FAM169A: variants seen among roughly 807,000 people sequenced by gnomAD.
The protein encoded by FAM169A is family with sequence similarity 169 member A.
A neutral mutation model predicts 75.7 loss-of-function variants in FAM169A; 24 were observed. That is an observed-to-expected ratio of 0.32 (90% CI 0.23 to 0.45). The LOEUF (loss-of-function observed/expected upper bound fraction) is 0.45, where lower values mean the gene tolerates loss of function less well. FAM169A is among the 20% of genes least tolerant of loss of function. FAM169A has a pLI of 1.00. For missense variants in FAM169A, 673 were observed against 784.0 expected, an observed-to-expected ratio of 0.86 and a Z score of 1.69; for synonymous variants, 271 against 271.0, an observed-to-expected ratio of 1.00 and a Z score of 0.00.
chr5:74,805,263 T>G lies in FAM169A; in HGVS notation c.692A>C (p.Lys231Thr), dbSNP rs1373804688. The stretch of plus-strand genomic sequence containing the variant: ...AAGGAGTTCATGGTCTCCTGGATAC[T>G]TCTCAAAGTATTGCTTGCAAGCTGA... ...MYTACKQYFE[K>T]YPGDHELLWE... The change falls in exon 7 of 13, where the codon AAG becomes ACG. Residue 231 changes from lysine (K) to threonine (T), a missense_variant. Physicochemically the swap from Lys to Thr is moderately conservative, Grantham distance 78. This residue lies in a region of FAM169A where 510 missense variants were observed against 550.9 expected (regional missense o/e 0.93). Coordinates refer to ENST00000687041, the MANE Select transcript of FAM169A (RefSeq NM_001376049.1). 5 of 1,612,250 alleles carry G rather than the reference T, an allele frequency of 3.1e-6. No homozygotes were observed. The highest frequency in any genetic ancestry group is 3.4e-6 in the Non-Finnish European group (4 of 1,179,198).
At chr5:74,850,893 C>T (rs1332013647) in intron 1 of FAM169A, among the ~76,000 whole-genome samples, 1 of 151,930 alleles carries the variant, frequency 6.6e-6, no homozygotes, top group Non-Finnish European at 1.5e-5. Flanking sequence ...TGAAAAAATG[C>T]CTACTTGCAT....
intron 6 of FAM169A, among the ~76,000 whole-genome samples, chr5:74,807,908 G>C (rs887810816): frequency 1.3e-5 from 2 of 152,192 alleles, no homozygotes; most frequent in Non-Finnish European, 2.9e-5. Flanking sequence ...CATGAGATTA[G>C]GAGTTCAAGA....
At chr5:74,792,524 TCCTTGCTC>T (rs140520337) in intron 11 of FAM169A, among the ~76,000 whole-genome samples, 50,156 of 151,582 alleles carry the variant, frequency 0.33, 10,484 homozygotes, top group African/African-American at 0.59. Context: ...CTTCCTTGCT[TCCTTGCTC>T]CCTTGCTCCC....
At chr5:74,853,730 CAG>C (rs1186846335) in intron 1 of FAM169A, among the ~76,000 whole-genome samples, 7 of 102,810 alleles carry the variant, frequency 6.8e-5, no homozygotes, top group Admixed American at 1.4e-4. Flanking sequence ...TTTTTTGAGA[CAG>C]AGTCTTGCTC....
Position 74,781,606 on chromosome 5 carries a change from C to G in FAM169A, c.1867G>C (p.Asp623His), listed in dbSNP as rs1158509183. ...TTTTCTGCCGATTGTGTAAACTGAT[C>G]CAGTTGCTCGGAAGATGCTTCAGAC... ...EQSEASSEQL[D>H]QFTQSAEKAV... The change falls in exon 13 of 13, where the codon GAT becomes CAT. Residue 623 changes from aspartate (D) to histidine (H), a missense_variant. Physicochemically the swap from Asp to His is moderately conservative, Grantham distance 81. Around this residue, in one of 3 missense-constraint regions of FAM169A, gnomAD observed 510 missense variants for 550.9 expected, o/e 0.93. Transcript: ENST00000687041. The G allele has an allele frequency of 6.2e-7, 1 of 1,614,172 alleles. No homozygotes were observed. Among genetic ancestry groups the G allele is most frequent in the Non-Finnish European group, 8.5e-7 (1 of 1,180,020 alleles).
chr5:74,783,099 C>G lies in FAM169A; in HGVS notation c.1296G>C (p.Met432Ile). 6.2e-7 allele frequency: 1 copy of G among 1,613,558 alleles called. No homozygotes were observed. The highest frequency in any genetic ancestry group is 8.5e-7 in the Non-Finnish European group (1 of 1,179,592). Residue 432 changes from methionine to isoleucine, a missense_variant, in exon 12 of 13, where the codon ATG becomes ATC. Coordinates refer to ENST00000687041, the MANE Select transcript of FAM169A (RefSeq NM_001376049.1). ...TAAGTGAGGTCTTAAGAGAATCGTC[C>G]ATTATCTCACCATTCATAGGCTCTA... ...SELEPMNGEI[M>I]DDSLKTSLIT...
chr5:74,859,843 C>A (rs1749945084), intron 1 of FAM169A, among the ~76,000 whole-genome samples: 1 of 151,912 alleles, frequency 6.6e-6, no homozygotes, highest in Non-Finnish European at 1.5e-5. Flanking sequence ...CAAAGCGAGA[C>A]CCCATCGCTA....
At chr5:74,861,602 C>CT (rs1299489399) in intron 1 of FAM169A, among the ~76,000 whole-genome samples, 1 of 152,096 alleles carries the variant, frequency 6.6e-6, no homozygotes, top group African/African-American at 2.4e-5. Flanking sequence ...GTAATCCCAG[C>CT]TACTAGGGAA....
rs1745218126 is a variant in FAM169A, at chr5:74,778,186, A to C, written c.*3274T>G. ...AGCTTGATATTAAGTATGAAAACAT[A>C]AGCATAACATTTGTAACTAATCACA... On this transcript the variant is annotated 3_prime_UTR_variant, in exon 13 of 13. Transcript: ENST00000687041. 1 of 152,026 alleles carries C rather than the reference A, an allele frequency of 6.6e-6. No homozygotes were observed. The highest frequency in any genetic ancestry group is 2.1e-4 in the South Asian group (1 of 4,834). The allele number at this position is 152,026 out of a possible 1,614,324, so 9.4% of individuals were successfully genotyped here.
rs1561328873 is a variant in FAM169A, at chr5:74,857,571, G to GAAAAAAAAAAAAAAAAAA, written c.-4+8593_-4+8594insTTTTTTTTTTTTTTTTTT. Among the ~76,000 whole-genome samples, 3 of 65,722 alleles carry GAAAAAAAAAAAAAAAAAA rather than the reference G, an allele frequency of 4.6e-5. 1 individual carries two copies. The highest frequency in any genetic ancestry group is 1.3e-4 in the African/African-American group (2 of 15,878). 43.1% of individuals were successfully genotyped at this position (65,722 alleles called of 152,430 possible). A position where few individuals can be genotyped will look rare whatever the true frequency, so the allele number is the denominator to read the frequency against. Reference sequence around the variant, plus strand: ...GGTGACAGAGCCAGACCTTGCCGCGGGAAAAAAAAAAAAAAAAAAAAAAAA... The same window carrying GAAAAAAAAAAAAAAAAAA: ...GGTGACAGAGCCAGACCTTGCCGCGGAAAAAAAAAAAAAAAAAAGAAAAAAAAAAAAAAAAAAAAAAAA... On this transcript the variant is annotated intron_variant, in intron 1 of 12. Transcript: ENST00000687041.
At chr5:74,866,673 T>C, upstream of FAM169A, 1 of 898,760 alleles carries the variant, frequency 1.1e-6, no homozygotes, top group Non-Finnish European at 1.3e-6. Context: ...AAGAGTGACC[T>C]TGGCTTAGAT....
chr5:74,815,327 T>A (rs966775376), intron 5 of FAM169A, among the ~76,000 whole-genome samples: 6 of 151,916 alleles, frequency 3.9e-5, no homozygotes, highest in African/African-American at 1.5e-4. Context: ...GTAGCTGGGA[T>A]TACAGGCGCC....
chr5:74,840,920 T>C (rs1748833055), intron 2 of FAM169A, among the ~76,000 whole-genome samples: 1 of 152,134 alleles, frequency 6.6e-6, no homozygotes. Context: ...TTTGCCTTCA[T>C]TTAATCCAAC....
At chr5:74,814,115 T>C in intron 5 of FAM169A, 96 bp from the exon 6 acceptor site, 1 of 931,032 alleles carries the variant, frequency 1.1e-6, no homozygotes. Flanking sequence ...AAAAAAGTTT[T>C]CTTCTATATC....
At chr5:74,831,912 C>G (rs1322573977) in intron 5 of FAM169A, among the ~76,000 whole-genome samples, 1 of 152,084 alleles carries the variant, frequency 6.6e-6, no homozygotes, top group Non-Finnish European at 1.5e-5. Context: ...ACAATACCTT[C>G]AATCTCACTC....
intron 1 of FAM169A, 95 bp downstream of exon 1, chr5:74,866,070 T>C: frequency 1.7e-6 from 1 of 602,708 alleles, no homozygotes; most frequent in Non-Finnish European, 2.1e-6. Context: ...CGCCGCTCGG[T>C]GTCCGCGGGT....
At chr5:74,784,998 A>G (rs540726087) in intron 11 of FAM169A, among the ~76,000 whole-genome samples, 1 of 152,122 alleles carries the variant, frequency 6.6e-6, no homozygotes, top group South Asian at 2.1e-4. Context: ...GGTTACATGA[A>G]GTATGTACAA....
intron 1 of FAM169A, among the ~76,000 whole-genome samples, chr5:74,856,294 G>C (rs1296906944): frequency 6.6e-6 from 1 of 151,848 alleles, no homozygotes; most frequent in Admixed American, 6.6e-5. Flanking sequence ...ATACATTTTA[G>C]GATTTTTTTT....
At chr5:74,858,088 CAAA>C (rs918954047) in intron 1 of FAM169A, among the ~76,000 whole-genome samples, 1 of 143,606 alleles carries the variant, frequency 7.0e-6, no homozygotes, top group Admixed American at 7.0e-5. Context: ...ATACTACAGT[CAAA>C]AAAAAAAAGA....
Sources: allele counts gnomAD v4.1 joint callset (sites outside exome capture counted in the v4.1 genomes callset), GRCh38; gene constraint gnomAD v4.1.1; regional missense constraint gnomAD v4.1.1; transcripts MANE v1.5; gene names NCBI Gene and HGNC (gene_info 2026-07-23, HGNC 2026-07-21).